FGGY: variants seen among roughly 807,000 people sequenced by gnomAD.
FGGY encodes FGGY carbohydrate kinase domain-containing protein.
FGGY carries 72 observed loss-of-function variants against 71.3 expected under a neutral mutation model. The observed-to-expected ratio is 1.01, with a 90% CI of 0.84 to 1.23. FGGY has a LOEUF of 1.23. Among genes scored for constraint, FGGY ranks in the 50% most tolerant of loss-of-function variants. FGGY has a pLI of 0.00. For missense variants in FGGY, 668 were observed against 682.3 expected (o/e 0.98, Z 0.23); for synonymous variants, 251 against 250.3 (o/e 1.00, Z -0.02).
At chr1:59,299,598 A>C (rs1266081706) in intron 1 of FGGY, among the ~76,000 whole-genome samples, 2 of 151,180 alleles carry the variant, frequency 1.3e-5, no homozygotes, top group Non-Finnish European at 2.9e-5. Flanking sequence ...TAGCACTTGA[A>C]TATCAAATTT....
intron 8 of FGGY, among the ~76,000 whole-genome samples, chr1:59,584,936 A>T (rs907153529): frequency 7.3e-6 from 1 of 137,202 alleles, no homozygotes; most frequent in Non-Finnish European, 1.5e-5. Flanking sequence ...CAAAGAGAAT[A>T]AAATAGCTAG....
chr1:59,406,845 A>C (rs1318869438), intron 5 of FGGY, among the ~76,000 whole-genome samples: 1 of 151,404 alleles, frequency 6.6e-6, no homozygotes, highest in Non-Finnish European at 1.5e-5. Flanking sequence ...TACTTAAATT[A>C]TATATGCATA....
rs547604775 is a variant in FGGY at position 59,700,186 on chromosome 1, A to G, written c.1512+26053A>G. Among the ~76,000 whole-genome samples, 40 of 152,364 alleles carry G rather than the reference A, an allele frequency of 2.6e-4. 1 individual carries two copies. In the South Asian group the frequency reaches 7.9e-3, roughly 30 times the overall value. On this transcript the variant is annotated intron_variant, in intron 14 of 15. Coordinates refer to ENST00000303721, the MANE Select transcript of FGGY (RefSeq NM_018291.5). Reference sequence around the variant, plus strand: ...ATAGGTGGCACATGTTTAACTTTGTACACTGTAGGAATTCTAAGAATCATT... The same window carrying G: ...ATAGGTGGCACATGTTTAACTTTGTGCACTGTAGGAATTCTAAGAATCATT...
intron 6 of FGGY, among the ~76,000 whole-genome samples, chr1:59,493,257 A>G (rs953263402): frequency 1.3e-5 from 2 of 152,166 alleles, no homozygotes; most frequent in Non-Finnish European, 2.9e-5. Context: ...TACAAACAAT[A>G]TTACCATATG....
intron 8 of FGGY, among the ~76,000 whole-genome samples, chr1:59,592,968 A>G (rs2096472232): frequency 7.3e-6 from 1 of 136,664 alleles, no homozygotes; most frequent in Admixed American, 6.9e-5. Flanking sequence ...AAAATAAAAA[A>G]ATAAAAGAGA....
At chr1:59,723,843 T>C (rs1369540125) in intron 14 of FGGY, among the ~76,000 whole-genome samples, 1 of 152,226 alleles carries the variant, frequency 6.6e-6, no homozygotes, top group Non-Finnish European at 1.5e-5. Flanking sequence ...TACAATATCA[T>C]ATAGAATAGT....
chr1:59,378,908 T>C (rs1303870257), intron 5 of FGGY, 71 bp downstream of exon 5: 1 of 1,272,960 alleles, frequency 7.9e-7, no homozygotes, highest in African/African-American at 1.5e-5. Context: ...TATTGCTTTC[T>C]TAACTCTCTT....
At chr1:59,474,257 C>A in intron 6 of FGGY, 1 of 152,334 alleles carries the variant, frequency 6.6e-6, no homozygotes, top group Non-Finnish European at 1.5e-5. Context: ...AATACGGCAT[C>A]TGAAAGATAA....
intron 9 of FGGY, among the ~76,000 whole-genome samples, chr1:59,609,133 A>G (rs2096651224): frequency 1.3e-5 from 2 of 152,218 alleles, no homozygotes; most frequent in Admixed American, 6.5e-5. Context: ...GGAAACTTGT[A>G]TGGGAAAAAA....
At chr1:59,521,810 AT>A (rs1429034981) in intron 7 of FGGY, among the ~76,000 whole-genome samples, 1 of 152,148 alleles carries the variant, frequency 6.6e-6, no homozygotes, top group Non-Finnish European at 1.5e-5. Context: ...ATGACTCCTG[AT>A]TTGTTATTCC....
intron 8 of FGGY, among the ~76,000 whole-genome samples, chr1:59,557,479 C>T (rs1450769718): frequency 6.6e-6 from 1 of 152,150 alleles, no homozygotes; most frequent in African/African-American, 2.4e-5. Flanking sequence ...CTCCAGGTTC[C>T]TGTTGCTTCC....
intron 8 of FGGY, among the ~76,000 whole-genome samples, chr1:59,562,791 A>G (rs1553294261): frequency 6.6e-6 from 1 of 152,218 alleles, no homozygotes; most frequent in Non-Finnish European, 1.5e-5. Context: ...AAGGGGCACA[A>G]GGAAAGATTT....
At chr1:59,349,779 T>A (rs112757775) in intron 4 of FGGY, among the ~76,000 whole-genome samples, 1 of 145,306 alleles carries the variant, frequency 6.9e-6, no homozygotes, top group African/African-American at 2.9e-5. Context: ...TTTTAGCATC[T>A]TCTTAAAGCC....
intron 1 of FGGY, among the ~76,000 whole-genome samples, chr1:59,320,522 C>T (rs2046203636): frequency 1.3e-5 from 2 of 152,148 alleles, no homozygotes; most frequent in East Asian, 1.9e-4. Flanking sequence ...ATAAAAGCCT[C>T]TATGAGATTC....
intron 12 of FGGY, among the ~76,000 whole-genome samples, chr1:59,661,414 C>A (rs1246067088): frequency 6.6e-6 from 1 of 152,158 alleles, no homozygotes; most frequent in Admixed American, 6.5e-5. Context: ...ATTAAACAGC[C>A]CTTTTAGATT....
chr1:59,616,056 A>G (rs1332433712), intron 9 of FGGY, among the ~76,000 whole-genome samples: 1 of 152,208 alleles, frequency 6.6e-6, no homozygotes, highest in Non-Finnish European at 1.5e-5. Context: ...AACTAGTTCA[A>G]CCATTGTGGA....
At chr1:59,416,291 G>A (rs940854097) in intron 5 of FGGY, among the ~76,000 whole-genome samples, 4 of 152,154 alleles carry the variant, frequency 2.6e-5, no homozygotes, top group African/African-American at 9.7e-5. Flanking sequence ...CCATCCTTAT[G>A]TAACAGCATA....
At chr1:59,529,299 T>C (rs1179456081) in intron 7 of FGGY, among the ~76,000 whole-genome samples, 1 of 152,196 alleles carries the variant, frequency 6.6e-6, no homozygotes, top group Middle Eastern at 3.2e-3. Context: ...TTGAGGGACC[T>C]TCCTGATAGA....
Position 59,321,610 on chromosome 1 carries a change from A to G in FGGY, c.61A>G (p.Ser21Gly), listed in dbSNP as rs767618630. 4 of 1,613,838 alleles carry G rather than the reference A, an allele frequency of 2.5e-6. No individual in the cohort carries two copies. Among genetic ancestry groups the G allele is most frequent in the Non-Finnish European group, 3.4e-6 (4 of 1,179,870 alleles). ...TGTGGGTGTGGACGTTGGAACAGGC[A>G]GTGTCCGTGCAGCTCTGGTGGACCA... ...YYVGVDVGTG[S>G]VRAALVDQSG... The change falls in exon 2 of 16, where the codon AGT (serine) becomes GGT (glycine). Residue 21 changes from serine to glycine, a missense_variant. Physicochemically the swap from Ser to Gly is moderately conservative, Grantham distance 56. Transcript: ENST00000303721.
Sources: gnomAD v4.1 joint callset for allele counts (sites outside exome capture counted in the v4.1 genomes callset) on GRCh38, gnomAD v4.1.1 for gene constraint, MANE v1.5 for transcripts, NCBI Gene and HGNC (gene_info 2026-07-23, HGNC 2026-07-21) for gene names.